Variants in CELF2 observed in about 807,000 individuals in gnomAD.
CELF2 encodes CUGBP Elav-like family member 2.
A neutral mutation model predicts 62.6 loss-of-function variants in CELF2; 8 were observed. That is an observed-to-expected ratio of 0.13 (90% confidence interval 0.07 to 0.23). CELF2 has a LOEUF of 0.23. Ranked by LOEUF, CELF2 falls within the 10% of genes least tolerant of loss-of-function variation. The pLI, the probability that CELF2 is intolerant of heterozygous loss-of-function variation, is 1.00. For synonymous variants in CELF2, 258 were observed against 250.0 expected (o/e 1.03, Z -0.30); for missense variants, 333 against 671.0 (o/e 0.50, Z 5.56).
the CELF2 span, among the ~76,000 whole-genome samples, chr10:10,620,915 C>T: frequency 2.2e-5 from 1 of 45,636 alleles, no homozygotes; most frequent in Non-Finnish European, 4.3e-5. Context: ...GAGACCCCAT[C>T]TCAAAAAAAA....
the CELF2 span, among the ~76,000 whole-genome samples, chr10:10,742,115 G>A: frequency 2.0e-4 from 31 of 152,160 alleles, no homozygotes; most frequent in East Asian, 6.0e-3. Flanking sequence ...GTAATTGATA[G>A]GTTCTTGGAA....
the CELF2 span, among the ~76,000 whole-genome samples, chr10:10,525,017 T>C: frequency 7.9e-5 from 12 of 152,224 alleles, no homozygotes; most frequent in African/African-American, 2.7e-4. Context: ...CTGTCATCTT[T>C]CATTTTATTG....
At chr10:10,562,937 T>A in the CELF2 span, among the ~76,000 whole-genome samples, 2 of 146,598 alleles carry the variant, frequency 1.4e-5, no homozygotes, top group East Asian at 2.1e-4. Flanking sequence ...TTTTTTTTTT[T>A]AAAGCTAGGA....
At chr10:11,187,102 C>A (rs912075175) in intron 2 of CELF2, among the ~76,000 whole-genome samples, 3 of 152,098 alleles carry the variant, frequency 2.0e-5, no homozygotes, top group Non-Finnish European at 2.9e-5. Flanking sequence ...TACTGATTTT[C>A]TGGATATTAA....
the CELF2 span, among the ~76,000 whole-genome samples, chr10:10,746,209 T>C: frequency 6.6e-6 from 1 of 152,368 alleles, no homozygotes; most frequent in South Asian, 2.1e-4. Flanking sequence ...ATTATGAAGA[T>C]GGAATAGTCT....
At chr10:11,078,120 G>A (rs545256546) in intron 1 of CELF2, among the ~76,000 whole-genome samples, 1 of 152,112 alleles carries the variant, frequency 6.6e-6, no homozygotes, top group African/African-American at 2.4e-5. Flanking sequence ...TCCCTTGGAG[G>A]ACAATTCCAT....
the CELF2 span, among the ~76,000 whole-genome samples, chr10:10,705,010 G>A: frequency 1.6e-4 from 24 of 151,818 alleles, no homozygotes; most frequent in East Asian, 3.9e-3. Context: ...GCAACATGGC[G>A]AGACCTGGTC....
At chr10:11,284,930 A>G (rs2090674607) in intron 8 of CELF2, among the ~76,000 whole-genome samples, 1 of 148,174 alleles carries the variant, frequency 6.7e-6, no homozygotes, top group African/African-American at 2.5e-5. Context: ...TAGATGATGG[A>G]TAGATGGGTG....
At chr10:11,327,797 C>T (rs555376071) in intron 12 of CELF2, among the ~76,000 whole-genome samples, 4 of 152,270 alleles carry the variant, frequency 2.6e-5, no homozygotes, top group Non-Finnish European at 5.9e-5. Context: ...TTTTATCAGC[C>T]GAGAACTGGG....
At chr10:10,680,573 T>C in the CELF2 span, among the ~76,000 whole-genome samples, 1 of 152,256 alleles carries the variant, frequency 6.6e-6, no homozygotes, top group African/African-American at 2.4e-5. Flanking sequence ...AGAGTTCTTA[T>C]TAGGGCCCAG....
At position 10,866,882 on chromosome 10, in the gene CELF2, T is replaced by C. The variant is rs566155203; in HGVS notation, c.54-53082T>C. The stretch of plus-strand genomic sequence containing the variant: ...TTGCAGTGAGCTGAGATCACACCGT[T>C]GCACTCCAGCCTGGGTGACAAGAGT... On this transcript the variant is annotated intron_variant, in intron 1 of 13. Coordinates refer to the CELF2 transcript ENST00000636488. 3.4e-5 allele frequency among the ~76,000 whole-genome samples: 5 copies of C among 145,696 alleles called. No individual in the cohort carries two copies. In the East Asian group the frequency reaches 1.0e-3, roughly 29 times the overall value.
chr10:11,245,943 G>T (rs2075462644), intron 3 of CELF2, among the ~76,000 whole-genome samples: 1 of 152,188 alleles, frequency 6.6e-6, no homozygotes, highest in Non-Finnish European at 1.5e-5. Flanking sequence ...TATTAGAGTT[G>T]TGTGATCCCA....
chr10:10,825,541 T>C (rs748353414), intron 1 of CELF2, among the ~76,000 whole-genome samples: 5 of 152,254 alleles, frequency 3.3e-5, no homozygotes, highest in Non-Finnish European at 7.3e-5. Context: ...CCAATGGTGA[T>C]AGCAAGATTC....
At chr10:10,575,330 G>A in the CELF2 span, among the ~76,000 whole-genome samples, 33 of 152,244 alleles carry the variant, frequency 2.2e-4, no homozygotes, top group African/African-American at 7.7e-4. Context: ...TTGCATTTAG[G>A]TTATACCTGT....
chr10:11,169,774 G>A (rs1179704350), intron 2 of CELF2, among the ~76,000 whole-genome samples: 2 of 152,212 alleles, frequency 1.3e-5, no homozygotes, highest in Non-Finnish European at 2.9e-5. Context: ...AGGGGAGGCT[G>A]AGGGACAGAC....
the CELF2 span, among the ~76,000 whole-genome samples, chr10:10,693,977 A>G: frequency 6.0e-5 from 9 of 151,028 alleles, no homozygotes; most frequent in African/African-American, 1.7e-4. Context: ...TGGATTCATT[A>G]ATTTTTTGAA....
At chr10:10,958,301 G>T (rs1006379408) in intron 2 of CELF2, among the ~76,000 whole-genome samples, 1 of 152,148 alleles carries the variant, frequency 6.6e-6, no homozygotes, top group Admixed American at 6.5e-5. Flanking sequence ...AGTCCTGTGC[G>T]TCCCAATTCA....
At chr10:11,236,181 G>C (rs2071193173) in intron 3 of CELF2, among the ~76,000 whole-genome samples, 1 of 152,212 alleles carries the variant, frequency 6.6e-6, no homozygotes. Flanking sequence ...AAATTCAGTA[G>C]TGCTTTTCCA....
rs1381088485 is a variant in CELF2 at position 11,117,704 on chromosome 10, T to A, written c.75-47782T>A. ...GATGAATGACAAAATCACCCAAGTA[T>A]TTTTAAAATGTGTGACTCTCCAGAG... On this transcript the variant is annotated intron_variant, in intron 1 of 12. Coordinates refer to ENST00000633077, the MANE Select transcript of CELF2 (RefSeq NM_001326342.2). The surrounding 1 kb of genome is among the most constrained non-coding windows in gnomAD (Gnocchi z 4.1). 6.6e-6 allele frequency among the ~76,000 whole-genome samples: 1 copy of A among 152,228 alleles called. No individual in the cohort carries two copies. The highest frequency in any genetic ancestry group is 1.5e-5 in the Non-Finnish European group (1 of 68,040).
Sources: allele counts gnomAD v4.1 joint callset (sites outside exome capture counted in the v4.1 genomes callset), GRCh38; gene constraint gnomAD v4.1.1; non-coding constraint Gnocchi (gnomAD v3.1); transcripts MANE v1.5; gene names NCBI Gene and HGNC (gene_info 2026-07-23, HGNC 2026-07-21).